Variants in MYO16 observed in about 807,000 individuals in gnomAD.
The protein encoded by MYO16 is unconventional myosin-XVI.
MYO16 carries 94 observed loss-of-function variants against 205.3 expected under a neutral mutation model. That is an observed-to-expected ratio of 0.46 (90% CI 0.39 to 0.54). The LOEUF is 0.54. Among genes scored for constraint, MYO16 ranks in the 20% least tolerant of loss-of-function variants. MYO16 has a pLI of 0.00. For missense variants in MYO16, 2,315 were observed against 2,387.5 expected, an observed-to-expected ratio of 0.97 and a Z score of 0.63; for synonymous variants, 988 against 954.0, an observed-to-expected ratio of 1.04 and a Z score of -0.66.
At chr13:108,920,361 TTTCTCTCTTTCTTTCC>T (rs962154039) in intron 16 of MYO16, among the ~76,000 whole-genome samples, 2 of 151,878 alleles carry the variant, frequency 1.3e-5, no homozygotes, top group African/African-American at 4.8e-5. Context: ...TTTTTCTTTC[TTTCTCTCTTTCTTTCC>T]TTCTCTCTCT....
chr13:109,200,055 G>T (rs1024759320), intron 34 of MYO16, among the ~76,000 whole-genome samples: 1 of 152,156 alleles, frequency 6.6e-6, no homozygotes, highest in African/African-American at 2.4e-5. Flanking sequence ...CTAATAAATA[G>T]ATGGAAATAA....
chr13:108,960,242 T>A, intron 17 of MYO16, among the ~76,000 whole-genome samples: 1 of 134,230 alleles, frequency 7.4e-6, no homozygotes, highest in South Asian at 2.3e-4. Context: ...GCCACTACAC[T>A]CCAGCCTGGG....
Position 108,690,646 on chromosome 13 carries a change from T to C in MYO16, c.293-22015T>C, listed in dbSNP as rs1186704389. On this transcript the variant is annotated intron_variant, in intron 2 of 34. Transcript: ENST00000457511. ...GTTTTAAAGTTGGCAGTGAATCTAA[T>C]ATTTATGCAACCATTTGTCTCCAGC... Among the ~76,000 whole-genome samples, 3 of 152,292 alleles carry C rather than the reference T, an allele frequency of 2.0e-5. No homozygotes were observed. The East Asian group carries it at 5.8e-4, about 29-fold the overall frequency.
chr13:109,132,962 C>A (rs1315172835), intron 31 of MYO16, among the ~76,000 whole-genome samples: 1 of 152,122 alleles, frequency 6.6e-6, no homozygotes, highest in Non-Finnish European at 1.5e-5. Flanking sequence ...CCTTGCCCTC[C>A]GTGGAAACTG....
At chr13:109,061,407 T>C (rs778644216) in intron 27 of MYO16, among the ~76,000 whole-genome samples, 22 of 152,184 alleles carry the variant, frequency 1.4e-4, no homozygotes, top group Non-Finnish European at 2.9e-4. Context: ...CATTTCCAGC[T>C]TCTGATTAAA....
At chr13:108,852,734 T>C (rs1466490181) in intron 10 of MYO16, among the ~76,000 whole-genome samples, 1 of 152,148 alleles carries the variant, frequency 6.6e-6, no homozygotes, top group Non-Finnish European at 1.5e-5. Context: ...CATGTGTTAC[T>C]AAGGGCACTA....
chr13:108,875,209 T>C (rs999841595), intron 12 of MYO16, among the ~76,000 whole-genome samples: 2 of 152,098 alleles, frequency 1.3e-5, no homozygotes, highest in African/African-American at 2.4e-5. Context: ...CTTGTTTCAA[T>C]TGATACAAAT....
At chr13:108,828,605 G>A (rs1446611276) in intron 9 of MYO16, among the ~76,000 whole-genome samples, 2 of 152,090 alleles carry the variant, frequency 1.3e-5, no homozygotes, top group Non-Finnish European at 2.9e-5. Context: ...ATCCTACCAG[G>A]TGAGATGACG....
At chr13:108,674,843 G>A (rs535490275) in intron 2 of MYO16, among the ~76,000 whole-genome samples, 23 of 152,224 alleles carry the variant, frequency 1.5e-4, no homozygotes, top group Middle Eastern at 6.8e-3. Flanking sequence ...TAGATACTTC[G>A]GATTGTAGAG....
the MYO16 span, among the ~76,000 whole-genome samples, chr13:108,589,273 AT>A: frequency 6.6e-6 from 1 of 152,254 alleles, no homozygotes; most frequent in Admixed American, 6.5e-5. Context: ...TACCGAACAG[AT>A]TTTATGATCT....
intron 4 of MYO16, among the ~76,000 whole-genome samples, chr13:108,760,309 T>A (rs779284891): frequency 3.9e-5 from 6 of 152,162 alleles, no homozygotes; most frequent in Non-Finnish European, 8.8e-5. Flanking sequence ...ATCTCCTTTG[T>A]CTTGTGTTTC....
intron 1 of MYO16, among the ~76,000 whole-genome samples, chr13:108,646,961 C>T (rs775261032): frequency 2.0e-5 from 3 of 151,958 alleles, no homozygotes; most frequent in Middle Eastern, 3.2e-3. Flanking sequence ...GCATTGTCAG[C>T]GAACACTATA....
chr13:108,624,739 G>T (rs192572196), upstream of MYO16, among the ~76,000 whole-genome samples: 43 of 151,958 alleles, frequency 2.8e-4, no homozygotes, highest in African/African-American at 9.2e-4. Context: ...GGAAGTGGGT[G>T]GCCAAATGCC....
At chr13:108,730,890 G>A (rs535879484) in intron 4 of MYO16, among the ~76,000 whole-genome samples, 1 of 152,196 alleles carries the variant, frequency 6.6e-6, no homozygotes, top group South Asian at 2.1e-4. Context: ...CCTATTCTTT[G>A]ATACATGCCC....
intron 27 of MYO16, 77 bp from the exon 28 acceptor site, chr13:109,100,708 C>CG: frequency 8.5e-7 from 1 of 1,182,366 alleles, no homozygotes; most frequent in Non-Finnish European, 1.2e-6. Flanking sequence ...AACGATGTAA[C>CG]AAAGACAGCC....
At chr13:109,155,882 C>T (rs751051266) in intron 32 of MYO16, among the ~76,000 whole-genome samples, 50 of 152,184 alleles carry the variant, frequency 3.3e-4, no homozygotes, top group Non-Finnish European at 1.8e-4. Flanking sequence ...TGGTTCTTTA[C>T]ATCTGAAATT....
chr13:108,873,415 T>C (rs953122117), intron 12 of MYO16, among the ~76,000 whole-genome samples: 3 of 152,252 alleles, frequency 2.0e-5, no homozygotes, highest in Admixed American at 2.0e-4. Flanking sequence ...TTATTAATCA[T>C]GGACGGAGAA....
At chr13:108,870,858 G>A (rs970391955) in intron 12 of MYO16, among the ~76,000 whole-genome samples, 1 of 151,838 alleles carries the variant, frequency 6.6e-6, no homozygotes, top group African/African-American at 2.4e-5. Flanking sequence ...ATAAGTATTT[G>A]GGGGTTTTAA....
the MYO16 span, among the ~76,000 whole-genome samples, chr13:108,509,596 G>A: frequency 7.9e-5 from 12 of 152,212 alleles, no homozygotes; most frequent in Admixed American, 7.8e-4. Context: ...GCTATGATTG[G>A]CTTCAGTTGA....
Sources: gnomAD v4.1 joint callset for allele counts (sites outside exome capture counted in the v4.1 genomes callset) on GRCh38, gnomAD v4.1.1 for gene constraint, MANE v1.5 for transcripts, NCBI Gene and HGNC (gene_info 2026-07-23, HGNC 2026-07-21) for gene names.